Variants in DLGAP1 observed in about 807,000 individuals in gnomAD.
DLGAP1 encodes the protein disks large-associated protein 1.
In DLGAP1, 11 loss-of-function variants were observed where a neutral mutation model predicts 90.8. The observed-to-expected ratio is 0.12, with a 90% CI of 0.08 to 0.20. DLGAP1 has a LOEUF of 0.20. Ranked by LOEUF, DLGAP1 falls within the 10% of genes least tolerant of loss-of-function variation. DLGAP1 has a pLI of 1.00. For synonymous variants in DLGAP1, 558 were observed against 540.7 expected (o/e 1.03, Z -0.44); for missense variants, 1,050 against 1,333.8 (o/e 0.79, Z 3.31).
chr18:4,151,878 A>G (rs1204530491), intron 1 of DLGAP1, among the ~76,000 whole-genome samples: 1 of 152,208 alleles, frequency 6.6e-6, no homozygotes, highest in Non-Finnish European at 1.5e-5. Flanking sequence ...TAAAACCTAG[A>G]TGATGGGTTG....
intron 4 of DLGAP1, among the ~76,000 whole-genome samples, chr18:3,844,227 G>A (rs989653207): frequency 2.0e-5 from 3 of 152,178 alleles, no homozygotes; most frequent in Non-Finnish European, 4.4e-5. Flanking sequence ...AATATCTTTT[G>A]AGGTCACCTA....
chr18:4,133,807 C>A (rs185385582), intron 2 of DLGAP1, among the ~76,000 whole-genome samples: 51 of 152,056 alleles, frequency 3.4e-4, no homozygotes, highest in Admixed American at 1.4e-3. Flanking sequence ...GAGTGAAGTT[C>A]GTGGGTGAGG....
At chr18:3,770,148 A>G (rs2064455194) in intron 5 of DLGAP1, 1 of 152,144 alleles carries the variant, frequency 6.6e-6, no homozygotes, top group African/African-American at 2.4e-5. Context: ...TGTGGCAGTG[A>G]GAAGAGCACA....
chr18:3,550,366 C>T (rs2053318698), intron 9 of DLGAP1, among the ~76,000 whole-genome samples: 1 of 152,198 alleles, frequency 6.6e-6, no homozygotes, highest in Non-Finnish European at 1.5e-5. Flanking sequence ...GCTGGGACTA[C>T]AGGCACATGC....
chr18:3,892,154 CACACA>C (rs1400474805), intron 3 of DLGAP1: 1 of 145,020 alleles, frequency 6.9e-6, no homozygotes, highest in Non-Finnish European at 1.5e-5. Flanking sequence ...CACACACACA[CACACA>C]CACACACAGT....
intron 1 of DLGAP1, chr18:4,293,203 C>T (rs1264557504): frequency 1.3e-5 from 2 of 152,136 alleles, no homozygotes; most frequent in African/African-American, 4.8e-5. Context: ...GATCCGGTTC[C>T]AATAATGAAG....
chr18:4,258,182 G>A (rs1302624026), intron 1 of DLGAP1, among the ~76,000 whole-genome samples: 2 of 152,172 alleles, frequency 1.3e-5, no homozygotes, highest in Non-Finnish European at 2.9e-5. Context: ...GACTACAGTC[G>A]TGCGCCACTA....
In DLGAP1 at chr18:3,526,384, A is replaced by T. The variant is rs2051619978; in HGVS notation, c.2479+7810T>A. ...ATAGACCATCACAATGACTGTGCAC[A>T]GTTTCCGTAACCAAACCTGAAACCA... On this transcript the variant is annotated intron_variant, in intron 10 of 12. Coordinates refer to ENST00000315677, the MANE Select transcript of DLGAP1 (RefSeq NM_004746.4). This position sits in a 1 kb window ranked among gnomAD's most constrained non-coding sequence, Gnocchi z 4.7. 6.6e-6 allele frequency among the ~76,000 whole-genome samples: 1 copy of T among 152,198 alleles called. No homozygotes were observed. The highest frequency in any genetic ancestry group is 1.5e-5 in the Non-Finnish European group (1 of 68,034).
At chr18:4,187,033 T>C (rs1300404175) in intron 1 of DLGAP1, among the ~76,000 whole-genome samples, 1 of 152,186 alleles carries the variant, frequency 6.6e-6, no homozygotes, top group Non-Finnish European at 1.5e-5. Flanking sequence ...TGAGATTGTG[T>C]TCCTGATTTG....
intron 1 of DLGAP1, among the ~76,000 whole-genome samples, chr18:4,427,483 C>T (rs759817159): frequency 1.3e-5 from 2 of 152,138 alleles, no homozygotes; most frequent in Non-Finnish European, 2.9e-5. Context: ...AACGAAGGAA[C>T]CTTAGATTGG....
chr18:4,042,107 T>C (rs987937582), intron 2 of DLGAP1, among the ~76,000 whole-genome samples: 1 of 152,204 alleles, frequency 6.6e-6, no homozygotes, highest in African/African-American at 2.4e-5. Flanking sequence ...GATCCTGTAA[T>C]TGATGTGCCA....
At chr18:3,853,047 G>A (rs1198221764) in intron 4 of DLGAP1, among the ~76,000 whole-genome samples, 1 of 151,956 alleles carries the variant, frequency 6.6e-6, no homozygotes, top group East Asian at 1.9e-4. Flanking sequence ...CTAATTTCTA[G>A]AAGAATTTTT....
intron 8 of DLGAP1, among the ~76,000 whole-genome samples, chr18:3,568,747 C>T (rs890544348): frequency 1.3e-5 from 2 of 152,030 alleles, no homozygotes; most frequent in African/African-American, 2.4e-5. Context: ...AGTGCAGTGG[C>T]ACGATCTCGG....
At chr18:4,365,037 C>T (rs1001846023) in intron 1 of DLGAP1, among the ~76,000 whole-genome samples, 7 of 152,166 alleles carry the variant, frequency 4.6e-5, no homozygotes, top group Non-Finnish European at 1.0e-4. Flanking sequence ...GTTATGATTT[C>T]ATTTCTTTTG....
At position 4,447,159 on chromosome 18, in the gene DLGAP1, C is replaced by A. The variant is rs559603014; in HGVS notation, c.-267+7847G>T. 3.3e-5 allele frequency among the ~76,000 whole-genome samples: 5 copies of A among 152,254 alleles called. No individual in the cohort carries two copies. In the East Asian group the frequency reaches 9.6e-4, roughly 29 times the overall value. ...TACGACTATTACCCTACTGCAATCC[C>A]CCTCCACCCTAATCAGAGTCCCCTT... On this transcript the variant is annotated intron_variant, in intron 1 of 12. Coordinates refer to ENST00000315677, the MANE Select transcript of DLGAP1 (RefSeq NM_004746.4).
intron 1 of DLGAP1, among the ~76,000 whole-genome samples, chr18:4,255,794 T>A (rs939461834): frequency 2.6e-5 from 4 of 152,088 alleles, no homozygotes; most frequent in Non-Finnish European, 5.9e-5. Flanking sequence ...AAATTTAATG[T>A]TTTTTAACTT....
intron 5 of DLGAP1, among the ~76,000 whole-genome samples, chr18:3,763,432 G>C (rs982212898): frequency 7.2e-5 from 11 of 152,044 alleles, no homozygotes; most frequent in Non-Finnish European, 1.6e-4. Flanking sequence ...TCTACCTTGT[G>C]ATCACATGAG....
At chr18:3,631,803 A>AT (rs1458590863) in intron 7 of DLGAP1, among the ~76,000 whole-genome samples, 1 of 152,084 alleles carries the variant, frequency 6.6e-6, no homozygotes, top group African/African-American at 2.4e-5. Flanking sequence ...TTTTTATTTT[A>AT]TTTTTTCAAG....
At chr18:3,618,869 G>T (rs1422244414) in intron 7 of DLGAP1, among the ~76,000 whole-genome samples, 4 of 150,582 alleles carry the variant, frequency 2.7e-5, no homozygotes, top group Non-Finnish European at 5.9e-5. Context: ...AACCTGGGAA[G>T]CGGAGCTGGC....
Sources: gnomAD v4.1 joint callset for allele counts (sites outside exome capture counted in the v4.1 genomes callset) on GRCh38, gnomAD v4.1.1 for gene constraint, Gnocchi (gnomAD v3.1) non-coding constraint, MANE v1.5 for transcripts, NCBI Gene and HGNC (gene_info 2026-07-23, HGNC 2026-07-21) for gene names.